MIPOL1: variants seen among roughly 807,000 people sequenced by gnomAD.
MIPOL1 encodes mirror-image polydactyly gene 1 protein.
MIPOL1 carries 57 observed loss-of-function variants against 60.9 expected under a neutral mutation model. That is an observed-to-expected ratio of 0.94 (90% CI 0.76 to 1.17). MIPOL1 has a LOEUF of 1.17. Ranked by LOEUF, MIPOL1 falls within the 50% of genes most tolerant of loss-of-function variation. The pLI, the probability that MIPOL1 is intolerant of heterozygous loss-of-function variation, is 0.00. For missense variants in MIPOL1, 551 were observed against 511.6 expected, an observed-to-expected ratio of 1.08 and a Z score of -0.74; for synonymous variants, 179 against 168.8, an observed-to-expected ratio of 1.06 and a Z score of -0.47.
At chr14:37,299,288 G>T (rs1484179332) in intron 7 of MIPOL1, among the ~76,000 whole-genome samples, 1 of 150,846 alleles carries the variant, frequency 6.6e-6, no homozygotes, top group Non-Finnish European at 1.5e-5. Context: ...GGGGACTGTT[G>T]TAGGGTAGGG....
chr14:37,278,719 A>G (rs957296130), intron 6 of MIPOL1: 5 of 151,868 alleles, frequency 3.3e-5, no homozygotes, highest in Non-Finnish European at 5.9e-5. Flanking sequence ...ATCATGAGCC[A>G]GTGTTTAAAC....
intron 1 of MIPOL1, among the ~76,000 whole-genome samples, chr14:37,209,527 G>A (rs995021957): frequency 2.0e-5 from 3 of 152,064 alleles, no homozygotes; most frequent in Non-Finnish European, 4.4e-5. Context: ...GGGCATGGTG[G>A]CGCTCGCCTG....
intron 11 of MIPOL1, among the ~76,000 whole-genome samples, chr14:37,451,956 A>T (rs2094426185): frequency 1.3e-5 from 2 of 150,192 alleles, no homozygotes; most frequent in South Asian, 2.1e-4. Flanking sequence ...CTGGGACTAC[A>T]GGCGCCCGCC....
intron 9 of MIPOL1, among the ~76,000 whole-genome samples, chr14:37,364,421 G>T (rs1035572303): frequency 1.3e-5 from 2 of 152,182 alleles, no homozygotes; most frequent in East Asian, 1.9e-4. Context: ...AGGGTTAGTT[G>T]TCTAGTTTTA....
chr14:37,508,282 C>T (rs1004076599), intron 12 of MIPOL1, among the ~76,000 whole-genome samples: 1 of 151,984 alleles, frequency 6.6e-6, no homozygotes, highest in African/African-American at 2.4e-5. Flanking sequence ...AATAACTGTC[C>T]CCTTTTCCCT....
chr14:37,248,290 A>G (rs990551438), intron 3 of MIPOL1, among the ~76,000 whole-genome samples: 2 of 152,086 alleles, frequency 1.3e-5, no homozygotes, highest in Non-Finnish European at 2.9e-5. Flanking sequence ...ATAGAGAAGG[A>G]GATCCTCAGA....
chr14:37,252,413 G>A (rs896414467), intron 3 of MIPOL1, among the ~76,000 whole-genome samples: 1 of 151,858 alleles, frequency 6.6e-6, no homozygotes, highest in African/African-American at 2.4e-5. Flanking sequence ...TTATCCTACT[G>A]AATTTAAGTA....
At chr14:37,230,041 T>A (rs1346690642) in intron 1 of MIPOL1, among the ~76,000 whole-genome samples, 1 of 152,140 alleles carries the variant, frequency 6.6e-6, no homozygotes, top group Non-Finnish European at 1.5e-5. Context: ...ATTATATTCT[T>A]AAAAATTGCT....
intron 9 of MIPOL1, among the ~76,000 whole-genome samples, chr14:37,312,370 C>A (rs1250024892): frequency 6.6e-6 from 1 of 152,152 alleles, no homozygotes; most frequent in African/African-American, 2.4e-5. Context: ...CTTGGCCTCC[C>A]AAAGTGCTGG....
At chr14:37,503,279 C>G (rs1267752185) in intron 12 of MIPOL1, 1 of 152,100 alleles carries the variant, frequency 6.6e-6, no homozygotes. Flanking sequence ...CAAAGATACT[C>G]CTTGAGAAGA....
intron 11 of MIPOL1, among the ~76,000 whole-genome samples, chr14:37,479,734 A>C (rs779233049): frequency 1.3e-5 from 2 of 152,122 alleles, no homozygotes; most frequent in Non-Finnish European, 2.9e-5. Context: ...ACAGTACAAA[A>C]GATCAATGAA....
chr14:37,244,635 TG>T (rs1972902386), intron 1 of MIPOL1, among the ~76,000 whole-genome samples: 1 of 152,114 alleles, frequency 6.6e-6, no homozygotes, highest in Non-Finnish European at 1.5e-5. Context: ...TTGAACCTGG[TG>T]TAGATTAGTA....
intron 1 of MIPOL1, among the ~76,000 whole-genome samples, chr14:37,212,788 G>T (rs1419723156): frequency 1.3e-5 from 2 of 152,144 alleles, no homozygotes; most frequent in Non-Finnish European, 2.9e-5. Flanking sequence ...CTGGCTTCAG[G>T]TCAGACCCTA....
chr14:37,512,446 G>A (rs1253730962), intron 12 of MIPOL1, among the ~76,000 whole-genome samples: 1 of 150,068 alleles, frequency 6.7e-6, no homozygotes, highest in Non-Finnish European at 1.5e-5. Context: ...GTGCTGGGAA[G>A]AGGAACAGAG....
At chr14:37,382,730 T>C (rs2092957608) in intron 10 of MIPOL1, among the ~76,000 whole-genome samples, 1 of 151,954 alleles carries the variant, frequency 6.6e-6, no homozygotes, top group African/African-American at 2.4e-5. Flanking sequence ...AAAACAGATA[T>C]TAAATTTTAT....
intron 10 of MIPOL1, among the ~76,000 whole-genome samples, chr14:37,395,815 T>C (rs2093360780): frequency 6.6e-6 from 1 of 152,164 alleles, no homozygotes; most frequent in Non-Finnish European, 1.5e-5. Flanking sequence ...GTGGTGAGAA[T>C]GGGCTATAAG....
chr14:37,226,296 A>C (rs1969720415), intron 1 of MIPOL1, among the ~76,000 whole-genome samples: 1 of 152,216 alleles, frequency 6.6e-6, no homozygotes, highest in Non-Finnish European at 1.5e-5. Flanking sequence ...CATGCTGCTG[A>C]TAAAGGCACA....
chr14:37,489,324 C>T (rs1260414051), intron 11 of MIPOL1, among the ~76,000 whole-genome samples: 1 of 152,110 alleles, frequency 6.6e-6, no homozygotes, highest in Non-Finnish European at 1.5e-5. Context: ...CTTCTCTAAA[C>T]TGGTTATTCT....
At position 37,546,955 on chromosome 14, in the gene MIPOL1, T is replaced by C. The variant is rs1481420806; in HGVS notation, c.1313T>C (p.Met438Thr). 1 of 1,613,146 alleles carries C rather than the reference T, an allele frequency of 6.2e-7. No individual in the cohort carries two copies. The change falls in exon 13 of 13, where the codon ATG becomes ACG. Residue 438 changes from methionine to threonine, a missense_variant. By Grantham distance (81) the Met-to-Thr change is moderately conservative. Transcript: ENST00000684589. ...VLRKKVGTGT[M>T]RTVI is the part of the protein sequence containing the mutation. ...AGGAAGAAGGTTGGAACCGGGACCA[T>C]GAGGACAGTGATCTGATTGAAAAAA...
Sources: allele counts gnomAD v4.1 joint callset (sites outside exome capture counted in the v4.1 genomes callset), GRCh38; gene constraint gnomAD v4.1.1; transcripts MANE v1.5; gene names NCBI Gene and HGNC (gene_info 2026-07-23, HGNC 2026-07-21).